Variants in ADGRL2 observed in about 807,000 individuals in gnomAD.
ADGRL2 encodes the protein calcium-independent alpha-latrotoxin receptor 2.
ADGRL2 carries 44 observed loss-of-function variants against 157.4 expected under a neutral mutation model. The ratio of observed to expected loss-of-function variants is 0.28; its 90% CI spans 0.22 to 0.36. The LOEUF (loss-of-function observed/expected upper bound fraction) is 0.36, where lower values mean the gene tolerates loss of function less well. Ranked by LOEUF, ADGRL2 falls within the 10% of genes least tolerant of loss-of-function variation. The pLI is 1.00. For missense variants in ADGRL2, 1,510 were observed against 1,768.9 expected, an observed-to-expected ratio of 0.85 and a Z score of 2.63; for synonymous variants, 585 against 624.7, an observed-to-expected ratio of 0.94 and a Z score of 0.95.
chr1:81,516,008 A>C (rs1325149224), intron 2 of ADGRL2, among the ~76,000 whole-genome samples: 1 of 152,224 alleles, frequency 6.6e-6, no homozygotes, highest in Non-Finnish European at 1.5e-5. Context: ...TTATCATCAA[A>C]ATATTCAAAT....
intron 3 of ADGRL2, among the ~76,000 whole-genome samples, chr1:81,584,587 A>G (rs2080985235): frequency 6.6e-6 from 1 of 152,164 alleles, no homozygotes; most frequent in Non-Finnish European, 1.5e-5. Context: ...AAATATTTAT[A>G]TTAATCAAAG....
At chr1:81,728,545 A>G (rs1009774652) in intron 1 of ADGRL2, among the ~76,000 whole-genome samples, 3 of 152,192 alleles carry the variant, frequency 2.0e-5, no homozygotes, top group Non-Finnish European at 4.4e-5. Flanking sequence ...TGTAACTCAT[A>G]GTCTAATACA....
At chr1:81,931,834 A>G (rs1243787288) in intron 3 of ADGRL2, among the ~76,000 whole-genome samples, 1 of 152,012 alleles carries the variant, frequency 6.6e-6, no homozygotes, top group African/African-American at 2.4e-5. Flanking sequence ...GGGTTTTGCC[A>G]TGTTACCCAA....
At chr1:81,356,996 C>G (rs1198689762) in intron 1 of ADGRL2, among the ~76,000 whole-genome samples, 1 of 139,928 alleles carries the variant, frequency 7.1e-6, no homozygotes, top group African/African-American at 2.7e-5. Context: ...TTTTAAAGCT[C>G]ATTAAGAATC....
intron 2 of ADGRL2, among the ~76,000 whole-genome samples, chr1:81,548,132 T>G (rs1013800968): frequency 6.6e-6 from 1 of 152,168 alleles, no homozygotes; most frequent in Non-Finnish European, 1.5e-5. Context: ...ATAATTTATG[T>G]CCCAATCCAA....
chr1:81,493,295 G>A (rs2078670672), intron 2 of ADGRL2, among the ~76,000 whole-genome samples: 1 of 152,180 alleles, frequency 6.6e-6, no homozygotes, highest in Non-Finnish European at 1.5e-5. Flanking sequence ...ACAAGACAGT[G>A]TATAACTCTA....
intron 3 of ADGRL2, among the ~76,000 whole-genome samples, chr1:81,923,648 C>A (rs970479308): frequency 6.6e-6 from 1 of 151,996 alleles, no homozygotes; most frequent in Admixed American, 6.6e-5. Flanking sequence ...TACCTGAAGA[C>A]ATTTTGAATT....
intron 3 of ADGRL2, among the ~76,000 whole-genome samples, chr1:81,918,034 C>G (rs1300130188): frequency 6.6e-6 from 1 of 152,090 alleles, no homozygotes; most frequent in Non-Finnish European, 1.5e-5. Context: ...ATATACTTCC[C>G]CTCATTTATG....
chr1:81,408,668 G>T (rs1474773050), intron 1 of ADGRL2, among the ~76,000 whole-genome samples: 1 of 151,348 alleles, frequency 6.6e-6, no homozygotes, highest in African/African-American at 2.4e-5. Flanking sequence ...GCCCCCAAGG[G>T]TGTGCACGTT....
chr1:81,351,394 T>A (rs1662873997), intron 1 of ADGRL2, among the ~76,000 whole-genome samples: 1 of 152,114 alleles, frequency 6.6e-6, no homozygotes. Context: ...AGAATTACAC[T>A]TACTTCCCAC....
At chr1:81,928,274 A>G (rs1441171970) in intron 3 of ADGRL2, among the ~76,000 whole-genome samples, 1 of 152,076 alleles carries the variant, frequency 6.6e-6, no homozygotes, top group Non-Finnish European at 1.5e-5. Context: ...AGGGTTTGTT[A>G]TTGGCATTGA....
chr1:81,958,083 C>T (rs1457042484), intron 11 of ADGRL2, among the ~76,000 whole-genome samples: 1 of 151,914 alleles, frequency 6.6e-6, no homozygotes, highest in African/African-American at 2.4e-5. Flanking sequence ...TAGCCAAACC[C>T]AGTCTCTACT....
intron 1 of ADGRL2, among the ~76,000 whole-genome samples, chr1:81,432,672 T>C (rs747028101): frequency 1.4e-4 from 21 of 152,092 alleles, no homozygotes; most frequent in Non-Finnish European, 2.1e-4. Flanking sequence ...GCCCCCCTCC[T>C]CGGCGCCGCT....
At chr1:81,623,859 ACTCCTGACTTCATGATTGGCC>A (rs2081852355) in intron 3 of ADGRL2, among the ~76,000 whole-genome samples, 1 of 151,602 alleles carries the variant, frequency 6.6e-6, no homozygotes, top group Non-Finnish European at 1.5e-5. Context: ...CTGGTCTCGA[ACTCCTGACTTCATGATTGGCC>A]CTCCTCAGCT....
At chr1:81,761,118 T>C (rs1377269588) in intron 1 of ADGRL2, among the ~76,000 whole-genome samples, 1 of 151,842 alleles carries the variant, frequency 6.6e-6, no homozygotes, top group African/African-American at 2.4e-5. Context: ...TTTGGGAACA[T>C]TAGGATTTAT....
intron 1 of ADGRL2, among the ~76,000 whole-genome samples, chr1:81,729,171 T>C (rs2084640095): frequency 6.6e-6 from 1 of 151,436 alleles, no homozygotes; most frequent in Non-Finnish European, 1.5e-5. Context: ...CCAGCCATCA[T>C]TTAAAAGTCT....
At chr1:81,725,030 C>G (rs572573001) in intron 1 of ADGRL2, among the ~76,000 whole-genome samples, 3 of 150,846 alleles carry the variant, frequency 2.0e-5, no homozygotes, top group African/African-American at 7.3e-5. Context: ...ATAGTGAAAC[C>G]CTGTCTCTAC....
intron 1 of ADGRL2, among the ~76,000 whole-genome samples, chr1:81,732,660 T>G: frequency 6.6e-6 from 1 of 152,198 alleles, no homozygotes; most frequent in Non-Finnish European, 1.5e-5. Context: ...AAGGGTTTTT[T>G]GAAGCCCATA....
chr1:81,795,223 A>T (rs1276849478), intron 2 of ADGRL2, among the ~76,000 whole-genome samples: 3 of 151,782 alleles, frequency 2.0e-5, no homozygotes, highest in Non-Finnish European at 1.5e-5. Context: ...TAGAAAAAAT[A>T]AAAAAAATTA....
Sources: gnomAD v4.1 joint callset for allele counts (sites outside exome capture counted in the v4.1 genomes callset) on GRCh38, gnomAD v4.1.1 for gene constraint, MANE v1.5 for transcripts, NCBI Gene and HGNC (gene_info 2026-07-23, HGNC 2026-07-21) for gene names.